DNAH9: variants seen among roughly 807,000 people sequenced by gnomAD.
DNAH9 encodes DNAH9 variant protein.
DNAH9 carries 345 observed loss-of-function variants against 471.6 expected under a neutral mutation model. That is an observed-to-expected ratio of 0.73 (90% CI 0.67 to 0.80). The LOEUF (loss-of-function observed/expected upper bound fraction) is 0.80. Ranked by LOEUF, DNAH9 falls within the 30% of genes least tolerant of loss-of-function variation. The pLI is 0.00. For synonymous variants in DNAH9, 2,093 were observed against 2,123.6 expected (o/e 0.99, Z 0.40); for missense variants, 5,407 against 5,609.2 (o/e 0.96, Z 1.15).
chr17:11,800,650 G>A (rs1387123016), intron 43 of DNAH9, among the ~76,000 whole-genome samples: 1 of 151,974 alleles, frequency 6.6e-6, no homozygotes, highest in African/African-American at 2.4e-5. Context: ...ACAAAGCAGT[G>A]CTTATCATTG....
intron 49 of DNAH9, among the ~76,000 whole-genome samples, chr17:11,853,752 T>A (rs1406346475): frequency 6.6e-6 from 1 of 152,256 alleles, no homozygotes; most frequent in African/African-American, 2.4e-5. Context: ...GTGTTTCTAA[T>A]GGGCTGCGAG....
At chr17:11,719,517 G>A (rs201285229) in intron 27 of DNAH9, 27 bp downstream of exon 27, 1 of 1,590,258 alleles carries the variant, frequency 6.3e-7, no homozygotes, top group East Asian at 2.3e-5. Flanking sequence ...CTTCCTGGGG[G>A]TGGGGGTGGG....
chr17:11,861,067 G>A (rs1219661035), intron 50 of DNAH9, among the ~76,000 whole-genome samples: 3 of 148,698 alleles, frequency 2.0e-5, no homozygotes, highest in African/African-American at 5.0e-5. Flanking sequence ...GGGTACATGT[G>A]CACAATGTGC....
intron 15 of DNAH9, among the ~76,000 whole-genome samples, chr17:11,666,027 C>T (rs909042429): frequency 1.8e-4 from 28 of 152,056 alleles, no homozygotes; most frequent in African/African-American, 6.8e-4. Flanking sequence ...CAGGGGTGCT[C>T]CAAACTAAGG....
At position 11,611,774 on chromosome 17, in the gene DNAH9, G is replaced by T; in HGVS notation, c.898G>T (p.Val300Phe). 2 of 1,614,214 alleles carry T rather than the reference G, an allele frequency of 1.2e-6. No individual in the cohort carries two copies. The highest frequency in any genetic ancestry group is 1.7e-6 in the Non-Finnish European group (2 of 1,179,994). Residue 300 changes from valine to phenylalanine, a missense_variant, in exon 4 of 69, where the codon GTT becomes TTT. By Grantham distance (50) the Val-to-Phe change is conservative. Coordinates refer to ENST00000262442, the MANE Select transcript of DNAH9 (RefSeq NM_001372.4). ...PAFKAMYRDVVAALAEAQDIH... is the reference protein window; with the variant it reads ...PAFKAMYRDVFAALAEAQDIH... ...TTTCAAAGCCATGTACAGAGATGTT[G>T]TTGCAGGTGAGGACCAGCAAGTGTT...
chr17:11,861,945 C>T (rs1190506333), intron 50 of DNAH9, among the ~76,000 whole-genome samples: 6 of 151,526 alleles, frequency 4.0e-5, no homozygotes, highest in Admixed American at 1.3e-4. Flanking sequence ...GAGTAGGTTG[C>T]AAAAATTTTC....
chr17:11,911,958 A>C (rs1973806025), intron 61 of DNAH9, among the ~76,000 whole-genome samples: 1 of 152,168 alleles, frequency 6.6e-6, no homozygotes, highest in Non-Finnish European at 1.5e-5. Context: ...AGGATTTTCC[A>C]GTTACAAGAC....
intron 28 of DNAH9, 33 bp from the exon 29 acceptor site, chr17:11,738,847 G>A (rs752732024): frequency 2.7e-5 from 43 of 1,607,120 alleles, no homozygotes; most frequent in Non-Finnish European, 3.3e-5. Context: ...AAAGGCAATT[G>A]AGGAATTTCT....
chr17:11,783,700 C>T lies in DNAH9; in HGVS notation c.7773C>T (p.Ser2591=), dbSNP rs755079070. ...LKEITNVQYV[S]CMNPTAGSFT... is the part of the protein sequence containing the mutation. ...AGATCACAAATGTACAGTATGTTTC[C>T]TGTATGAACCCCACGGCAGGCAGCT... Residue 2591 remains serine (S), a synonymous_variant, in exon 40 of 69, where the codon TCC becomes TCT. Coordinates refer to ENST00000262442, the MANE Select transcript of DNAH9 (RefSeq NM_001372.4). The T allele has an allele frequency of 2.5e-6, 4 of 1,614,098 alleles. No individual in the cohort carries two copies. Among genetic ancestry groups the T allele is most frequent in the Non-Finnish European group, 3.4e-6 (4 of 1,180,024 alleles).
intron 61 of DNAH9, among the ~76,000 whole-genome samples, chr17:11,915,692 C>T (rs1355431977): frequency 1.3e-5 from 2 of 152,142 alleles, no homozygotes; most frequent in African/African-American, 4.8e-5. Context: ...AGGACATTGG[C>T]ACAAATTGTT....
chr17:11,881,196 C>T lies in DNAH9; in HGVS notation c.10602-13C>T, dbSNP rs1370133757. ...GAAGGCACCTTACCTTCACATGAGC[C>T]TTTATGTTCCAGATTCATTAAAATT... is the stretch of plus-strand genomic sequence containing the variant. On this transcript the variant is annotated splice_polypyrimidine_tract_variant and intron_variant, in intron 54 of 68. Coordinates refer to ENST00000262442, the MANE Select transcript of DNAH9 (RefSeq NM_001372.4). 1 of 1,614,098 alleles carries T rather than the reference C, an allele frequency of 6.2e-7. No individual in the cohort carries two copies. The highest frequency in any genetic ancestry group is 8.5e-7 in the Non-Finnish European group (1 of 1,180,008).
At chr17:11,774,288 T>C (rs892751012) in intron 38 of DNAH9, among the ~76,000 whole-genome samples, 3 of 151,950 alleles carry the variant, frequency 2.0e-5, no homozygotes, top group African/African-American at 7.2e-5. Context: ...AGCCATAAAA[T>C]ACATAGTGTT....
intron 59 of DNAH9, among the ~76,000 whole-genome samples, chr17:11,900,677 T>C (rs1336603462): frequency 6.6e-6 from 1 of 152,090 alleles, no homozygotes; most frequent in Non-Finnish European, 1.5e-5. Flanking sequence ...TTCCCCAGTA[T>C]CTGGCAGGTA....
At position 11,961,892 on chromosome 17, in the gene DNAH9, T is replaced by C. The variant is rs1364243706; in HGVS notation, c.12869T>C (p.Met4290Thr). 4 of 1,611,596 alleles carry C rather than the reference T, an allele frequency of 2.5e-6. No homozygotes were observed. The highest frequency in any genetic ancestry group is 1.3e-5 in the African/African-American group (1 of 74,828). Reference protein sequence around the residue: ...LKGELTMTSHMENLQNALYFD... With the variant: ...LKGELTMTSHTENLQNALYFD... ...GGGGAGCTGACTATGACCAGCCACA[T>C]GGAGAACTTACAGAATGCCCTGTAC... Residue 4290 changes from methionine to threonine, a missense_variant, in exon 68 of 69, where the codon ATG becomes ACG. Physicochemically the swap from Met to Thr is moderately conservative, Grantham distance 81. This residue lies in a region of DNAH9 where 4,636 missense variants were observed against 4,900.3 expected (regional missense o/e 0.95). Coordinates refer to ENST00000262442, the MANE Select transcript of DNAH9 (RefSeq NM_001372.4).
chr17:11,908,973 T>G (rs1433721595), intron 61 of DNAH9, among the ~76,000 whole-genome samples: 4 of 152,214 alleles, frequency 2.6e-5, no homozygotes, highest in African/African-American at 4.8e-5. Context: ...CTCTACTGAT[T>G]AGGCAAACAT....
chr17:11,949,465 G>A (rs1328854189), intron 67 of DNAH9, among the ~76,000 whole-genome samples: 5 of 151,210 alleles, frequency 3.3e-5, no homozygotes. Flanking sequence ...TGTCTTTGCT[G>A]TAGTATAGCT....
At chr17:11,956,369 G>A (rs1381913089) in intron 67 of DNAH9, among the ~76,000 whole-genome samples, 1 of 151,916 alleles carries the variant, frequency 6.6e-6, no homozygotes, top group East Asian at 1.9e-4. Flanking sequence ...ATCAAAAGAA[G>A]AAATAAACAA....
chr17:11,958,498 T>C (rs1476092061), intron 67 of DNAH9, among the ~76,000 whole-genome samples: 1 of 152,182 alleles, frequency 6.6e-6, no homozygotes, highest in Non-Finnish European at 1.5e-5. Flanking sequence ...GGTAGATACA[T>C]GTCATTATAA....
At chr17:11,775,706 G>A (rs1232511062) in intron 38 of DNAH9, among the ~76,000 whole-genome samples, 1 of 140,856 alleles carries the variant, frequency 7.1e-6, no homozygotes, top group African/African-American at 2.7e-5. Flanking sequence ...CTGGGTTCAC[G>A]CCATTCTCCT....
Sources: gnomAD v4.1 joint callset for allele counts (sites outside exome capture counted in the v4.1 genomes callset) on GRCh38, gnomAD v4.1.1 for gene constraint, gnomAD v4.1.1 regional missense constraint, MANE v1.5 for transcripts, NCBI Gene and HGNC (gene_info 2026-07-23, HGNC 2026-07-21) for gene names.